Variants in PTPN13 observed in about 807,000 individuals in gnomAD.
PTPN13 encodes protein tyrosine phosphatase non-receptor type 13, also known as tyrosine-protein phosphatase non-receptor type 13.
A neutral mutation model predicts 284.0 loss-of-function variants in PTPN13; 191 were observed. That is an observed-to-expected ratio of 0.67 (90% CI 0.60 to 0.76). The LOEUF (loss-of-function observed/expected upper bound fraction) is 0.76, where lower values mean the gene tolerates loss of function less well. Among genes scored for constraint, PTPN13 ranks in the 30% least tolerant of loss-of-function variants. The probability of loss-of-function intolerance (pLI) is 0.00; values close to 1 mark genes in which losing one functional copy is unlikely to be tolerated. For missense variants in PTPN13, 2,797 were observed against 2,939.9 expected (o/e 0.95, Z 1.12); for synonymous variants, 986 against 1,022.3 (o/e 0.96, Z 0.68).
In PTPN13 at chr4:86,769,865, G is replaced by C; in HGVS notation, c.4586G>C (p.Ser1529Thr). 1 of 1,613,876 alleles carries C rather than the reference G, an allele frequency of 6.2e-7. No individual in the cohort carries two copies. The highest frequency in any genetic ancestry group is 1.3e-5 in the African/African-American group (1 of 75,036). The change falls in exon 29 of 48, where the codon AGC becomes ACC. Residue 1529 changes from serine (S) to threonine (T), a missense_variant. Physicochemically the swap from Ser to Thr is moderately conservative, Grantham distance 58 (BLOSUM62 1). Transcript: ENST00000411767. Reference sequence around the variant, plus strand: ...CTTATACCGGAGCAAATTAATGCCAGCATAGTAAGGGTTAAAAAGCTCTTT... The same window carrying C: ...CTTATACCGGAGCAAATTAATGCCACCATAGTAAGGGTTAAAAAGCTCTTT... ...DNLIPEQINA[S>T]IVRVKKLFPG...
At chr4:86,606,263 T>G (rs1764732077) in intron 1 of PTPN13, among the ~76,000 whole-genome samples, 1 of 151,940 alleles carries the variant, frequency 6.6e-6, no homozygotes, top group Non-Finnish European at 1.5e-5. Context: ...TTGGTTCACT[T>G]AATCTGGGAT....
Position 86,762,938 on chromosome 4 carries a change from C to G in PTPN13, c.3765C>G (p.Ser1255Arg). Residue 1255 changes from serine (S) to arginine (R), a missense_variant, in exon 24 of 48, where the codon AGC (serine) becomes AGG (arginine). Physicochemically the swap from Ser to Arg is moderately radical, Grantham distance 110. Transcript: ENST00000411767. ...AAGATTCCAGGACTGAGAGTGCCAG[C>G]TTGTCTCAAAGCCAGGTCAATGGTT... ...SSQDSRTESA[S>R]LSQSQVNGFF... 6.2e-7 allele frequency: 1 copy of G among 1,613,922 alleles called. No homozygotes were observed.
At chr4:86,796,328 T>C (rs907421506) in intron 40 of PTPN13, among the ~76,000 whole-genome samples, 1 of 152,166 alleles carries the variant, frequency 6.6e-6, no homozygotes, top group Non-Finnish European at 1.5e-5. Flanking sequence ...CCTATTAATA[T>C]TTTTAATATA....
intron 40 of PTPN13, among the ~76,000 whole-genome samples, chr4:86,790,748 G>A (rs1253249775): frequency 1.3e-5 from 2 of 152,170 alleles, no homozygotes; most frequent in Non-Finnish European, 2.9e-5. Flanking sequence ...GATTATAAAA[G>A]TAGACAGGGG....
At chr4:86,808,769 A>G (rs1744915740) in intron 45 of PTPN13, among the ~76,000 whole-genome samples, 2 of 152,206 alleles carry the variant, frequency 1.3e-5, no homozygotes, top group Admixed American at 1.3e-4. Context: ...TTTGGCAGTC[A>G]ACAACACAGA....
chr4:86,722,558 C>T, intron 10 of PTPN13, 124 bp downstream of exon 10: 1 of 685,542 alleles, frequency 1.5e-6, no homozygotes, highest in Non-Finnish European at 2.6e-6. Context: ...ACTGAAATCC[C>T]ATATTCATTT....
At chr4:86,605,673 G>T (rs1022905178) in intron 1 of PTPN13, among the ~76,000 whole-genome samples, 1 of 151,830 alleles carries the variant, frequency 6.6e-6, no homozygotes. Flanking sequence ...AGTATCTTCA[G>T]AAAGTGCTGT....
At chr4:86,640,133 A>C (rs1437448133) in intron 2 of PTPN13, among the ~76,000 whole-genome samples, 1 of 152,158 alleles carries the variant, frequency 6.6e-6, no homozygotes, top group East Asian at 1.9e-4. Flanking sequence ...AGGATTGTGA[A>C]AAAACAGTGT....
chr4:86,706,643 G>A (rs1475824218), intron 7 of PTPN13, among the ~76,000 whole-genome samples: 1 of 151,936 alleles, frequency 6.6e-6, no homozygotes, highest in East Asian at 1.9e-4. Context: ...GGCATTGAGT[G>A]GTCTGATTTC....
At chr4:86,689,265 TAC>T (rs1246186485) in intron 5 of PTPN13, 75 bp downstream of exon 5, 1 of 1,256,460 alleles carries the variant, frequency 8.0e-7, no homozygotes, top group African/African-American at 1.5e-5. Flanking sequence ...TCTTTAAGGA[TAC>T]TATATAGGTA....
intron 1 of PTPN13, among the ~76,000 whole-genome samples, chr4:86,613,633 C>CAAAAAAAAAAAAAAAAA (rs544971012): frequency 0.016 from 984 of 61,396 alleles, 20 homozygotes; most frequent in Non-Finnish European, 0.023. Flanking sequence ...GACTCCGTCT[C>CAAAAAAAAAAAAAAAAA]AAAAAAAAAA....
At chr4:86,602,694 A>ATTTTT (rs202040513) in intron 1 of PTPN13, among the ~76,000 whole-genome samples, 1 of 138,082 alleles carries the variant, frequency 7.2e-6, no homozygotes, top group Non-Finnish European at 1.6e-5. Context: ...TATTTTTCTG[A>ATTTTT]TTTTTTTTTT....
Position 86,767,928 on chromosome 4 carries a change from A to G in PTPN13, c.4441A>G (p.Lys1481Glu). The G allele has an allele frequency of 6.2e-7, 1 of 1,610,974 alleles. No individual in the cohort carries two copies. Residue 1481 changes from lysine (K) to glutamate (E), a missense_variant, in exon 28 of 48, where the codon AAA (lysine) becomes GAA (glutamate). Transcript: ENST00000411767. ...GAATGCCCAAGGTCAAGGCCCAGAA[A>G]AAGTGAAGAAAACAACTCAGGTCAA... ...DQNAQGQGPE[K>E]VKKTTQVKDY... is the part of the protein sequence containing the mutation.
Position 86,729,418 on chromosome 4 carries a change from A to G in PTPN13, c.1609-2982A>G, listed in dbSNP as rs1230536651. The stretch of plus-strand genomic sequence containing the variant: ...CTAGGTTGGAGAAGTTCTCCTGGAT[A>G]ATATCCTGCAGAGTGTTTTCCAACT... On this transcript the variant is annotated intron_variant, in intron 10 of 47. Transcript: ENST00000411767. Among the ~76,000 whole-genome samples, 3 of 149,594 alleles carry G rather than the reference A, an allele frequency of 2.0e-5. No homozygotes were observed. The East Asian group carries it at 5.8e-4, about 29-fold the overall frequency.
intron 7 of PTPN13, among the ~76,000 whole-genome samples, chr4:86,703,508 A>G (rs1170002751): frequency 6.6e-6 from 1 of 151,692 alleles, no homozygotes; most frequent in Non-Finnish European, 1.5e-5. Context: ...TAATGAAGAT[A>G]TGTACCAATC....
intron 2 of PTPN13, among the ~76,000 whole-genome samples, chr4:86,668,164 ATCAGATTTACTCTT>A (rs1727301490): frequency 6.6e-6 from 1 of 152,208 alleles, no homozygotes; most frequent in Non-Finnish European, 1.5e-5. Flanking sequence ...ATCAATTCAT[ATCAGATTTACTCTT>A]TCATAATAGC....
intron 10 of PTPN13, among the ~76,000 whole-genome samples, chr4:86,728,643 C>CTTTTTTTTTGTTTTTTTTTTTTTTTTT: frequency 4.1e-5 from 1 of 24,504 alleles, no homozygotes; most frequent in Admixed American, 7.1e-4. Context: ...CAACCCCTGC[C>CTTTTTTTTTGTTTTTTTTTTTTTTTTT]TTTTTTTTTT....
chr4:86,770,813 T>C (rs548207937), intron 30 of PTPN13, among the ~76,000 whole-genome samples: 1 of 152,194 alleles, frequency 6.6e-6, no homozygotes, highest in African/African-American at 2.4e-5. Context: ...GAAACAACTC[T>C]GTCCAATAAA....
chr4:86,617,759 C>T (rs1720732777), intron 1 of PTPN13, among the ~76,000 whole-genome samples: 2 of 152,154 alleles, frequency 1.3e-5, no homozygotes, highest in South Asian at 4.1e-4. Context: ...ATATCCTTCA[C>T]CCACTTTTTG....
Sources: gnomAD v4.1 joint callset for allele counts (sites outside exome capture counted in the v4.1 genomes callset) on GRCh38, gnomAD v4.1.1 for gene constraint, MANE v1.5 for transcripts, NCBI Gene and HGNC (gene_info 2026-07-23, HGNC 2026-07-21) for gene names.